SLIT3: variants seen among roughly 807,000 people sequenced by gnomAD.
SLIT3 encodes the protein slit homolog 3 protein.
A neutral mutation model predicts 184.0 loss-of-function variants in SLIT3; 68 were observed. That is an observed-to-expected ratio of 0.37 (90% CI 0.30 to 0.45). SLIT3 has a LOEUF of 0.45. SLIT3 is among the 20% of genes least tolerant of loss of function. The pLI is 1.00. For synonymous variants in SLIT3, 831 were observed against 828.6 expected (o/e 1.00, Z -0.05); for missense variants, 1,707 against 2,026.0 (o/e 0.84, Z 3.02).
At chr5:169,176,404 C>T (rs1048513483) in intron 4 of SLIT3, among the ~76,000 whole-genome samples, 25 of 152,196 alleles carry the variant, frequency 1.6e-4, no homozygotes, top group African/African-American at 6.0e-4. Context: ...TTTTCTCTTC[C>T]GTCAAATGGG....
intron 12 of SLIT3, among the ~76,000 whole-genome samples, chr5:168,781,044 G>T (rs1346966006): frequency 6.6e-6 from 1 of 152,186 alleles, no homozygotes; most frequent in Non-Finnish European, 1.5e-5. Context: ...CTCTCCTGTT[G>T]GTGACTGCAC....
intron 20 of SLIT3, among the ~76,000 whole-genome samples, chr5:168,731,041 A>C (rs1763274367): frequency 6.6e-6 from 1 of 151,956 alleles, no homozygotes; most frequent in Non-Finnish European, 1.5e-5. Flanking sequence ...TCACTAGCTA[A>C]ACTAACCAAG....
At chr5:169,028,383 C>T (rs1756907876) in intron 4 of SLIT3, among the ~76,000 whole-genome samples, 2 of 152,178 alleles carry the variant, frequency 1.3e-5, no homozygotes, top group African/African-American at 4.8e-5. Flanking sequence ...TGTAGGCTCC[C>T]ACAAATCCCA....
At chr5:169,132,230 C>T (rs1050658553) in intron 4 of SLIT3, among the ~76,000 whole-genome samples, 8 of 152,022 alleles carry the variant, frequency 5.3e-5, no homozygotes, top group Non-Finnish European at 8.8e-5. Context: ...TGACAGAGGG[C>T]TGAAGAGAGC....
intron 4 of SLIT3, among the ~76,000 whole-genome samples, chr5:169,005,895 A>T (rs1755906343): frequency 6.6e-6 from 1 of 152,250 alleles, no homozygotes; most frequent in African/African-American, 2.4e-5. Flanking sequence ...AACAAACAGC[A>T]GTGCATAGAA....
At chr5:168,876,430 C>T (rs976487285) in intron 5 of SLIT3, among the ~76,000 whole-genome samples, 3 of 152,186 alleles carry the variant, frequency 2.0e-5, no homozygotes, top group East Asian at 3.8e-4. Flanking sequence ...TCCTACCTTC[C>T]TGCACCTCCC....
chr5:168,692,499 TGAGA>T (rs140300466), intron 29 of SLIT3, 104 bp downstream of exon 29: 12 of 661,294 alleles, frequency 1.8e-5, no homozygotes, highest in East Asian at 2.7e-5. Context: ...GAGAAGCACA[TGAGA>T]GAGAGAGAGA....
Position 168,748,389 on chromosome 5 carries a change from T to C in SLIT3, c.2183A>G (p.Gln728Arg), listed in dbSNP as rs777153690. The C allele has an allele frequency of 1.3e-6, 2 of 1,520,124 alleles. No homozygotes were observed. The highest frequency in any genetic ancestry group is 2.6e-5 in the South Asian group (2 of 76,052). 94.2% of individuals were successfully genotyped at this position (1,520,124 alleles called of 1,614,324 possible). Residue 728 changes from glutamine (Q) to arginine (R), a missense_variant, in exon 20 of 36, where the codon CAG becomes CGG. Around this residue, in one of 3 missense-constraint regions of SLIT3, gnomAD observed 1,307 missense variants for 1,511.6 expected, o/e 0.86. Coordinates refer to ENST00000519560, the MANE Select transcript of SLIT3 (RefSeq NM_003062.4). ...SCQLSPRCPE[Q>R]CTCMETVVRC... ...CACCACTGTCTCCATACAGGTGCACTGCTCCGGGCAGCGCGGGCTCAGCTG... is the reference window on the plus strand; with the variant it reads ...CACCACTGTCTCCATACAGGTGCACCGCTCCGGGCAGCGCGGGCTCAGCTG...
intron 5 of SLIT3, among the ~76,000 whole-genome samples, chr5:168,870,012 C>A (rs928478712): frequency 6.6e-6 from 1 of 152,222 alleles, no homozygotes; most frequent in African/African-American, 2.4e-5. Flanking sequence ...TGCTCCGTGC[C>A]GGCACGGCAG....
chr5:169,219,354 C>T (rs2113528243), intron 3 of SLIT3, among the ~76,000 whole-genome samples: 1 of 152,382 alleles, frequency 6.6e-6, no homozygotes, highest in East Asian at 1.9e-4. Context: ...AATCCCCCAA[C>T]ATGCCTAGAA....
At chr5:169,069,322 A>T (rs1758460434) in intron 4 of SLIT3, among the ~76,000 whole-genome samples, 1 of 152,218 alleles carries the variant, frequency 6.6e-6, no homozygotes, top group South Asian at 2.1e-4. Flanking sequence ...AGTGACATGC[A>T]CACGACAGGT....
chr5:168,730,820 G>C (rs559969122), intron 20 of SLIT3, among the ~76,000 whole-genome samples: 11 of 151,882 alleles, frequency 7.2e-5, no homozygotes, highest in African/African-American at 2.4e-4. Flanking sequence ...CAAGAAACTA[G>C]AAAAAGAAGA....
chr5:168,927,527 T>C (rs1761868683), intron 4 of SLIT3, among the ~76,000 whole-genome samples: 1 of 152,222 alleles, frequency 6.6e-6, no homozygotes, highest in African/African-American at 2.4e-5. Context: ...TTGCATTTTA[T>C]CACAATCAAA....
At chr5:169,242,049 G>A (rs1208765711) in intron 3 of SLIT3, among the ~76,000 whole-genome samples, 2 of 152,164 alleles carry the variant, frequency 1.3e-5, no homozygotes, top group Non-Finnish European at 2.9e-5. Flanking sequence ...CACAGATAAG[G>A]TGAGCCAGGA....
At chr5:168,884,549 G>GATATATAT (rs58407375) in intron 4 of SLIT3, among the ~76,000 whole-genome samples, 2,885 of 40,994 alleles carry the variant, frequency 0.07, 465 homozygotes, top group South Asian at 0.09. Context: ...CCAATTACGA[G>GATATATAT]ATATATATAT....
At chr5:168,902,919 G>T (rs1018316173) in intron 4 of SLIT3, among the ~76,000 whole-genome samples, 2 of 152,014 alleles carry the variant, frequency 1.3e-5, no homozygotes, top group African/African-American at 4.8e-5. Context: ...TGGGAATAGC[G>T]GCTGATTAGG....
chr5:169,230,074 T>G (rs555507558), intron 3 of SLIT3, among the ~76,000 whole-genome samples: 1 of 152,222 alleles, frequency 6.6e-6, no homozygotes, highest in Non-Finnish European at 1.5e-5. Context: ...TACTTCTCAG[T>G]ATACATGGCC....
At chr5:168,930,462 C>A (rs1761951623) in intron 4 of SLIT3, among the ~76,000 whole-genome samples, 1 of 152,180 alleles carries the variant, frequency 6.6e-6, no homozygotes, top group Non-Finnish European at 1.5e-5. Context: ...TCTGCCATTT[C>A]TAGCTGTGTG....
At chr5:169,017,008 T>C (rs1224500025) in intron 4 of SLIT3, among the ~76,000 whole-genome samples, 3 of 152,214 alleles carry the variant, frequency 2.0e-5, no homozygotes, top group Non-Finnish European at 2.9e-5. Context: ...CTAAGCTCCA[T>C]ACTGTGCTGT....
Sources: allele counts gnomAD v4.1 joint callset (sites outside exome capture counted in the v4.1 genomes callset), GRCh38; gene constraint gnomAD v4.1.1; regional missense constraint gnomAD v4.1.1; transcripts MANE v1.5; gene names NCBI Gene and HGNC (gene_info 2026-07-23, HGNC 2026-07-21).